The following VWA8 variants were observed in gnomAD, a reference collection of about 807,000 sequenced individuals.
The protein encoded by VWA8 is von Willebrand factor A domain-containing protein 8.
Under a neutral mutation model 241.5 loss-of-function variants are expected in VWA8, and 221 were observed. That is an observed-to-expected ratio of 0.91 (90% CI 0.82 to 1.02). VWA8 has a LOEUF of 1.02. Among genes scored for constraint, VWA8 ranks in the 50% least tolerant of loss-of-function variants. The probability of loss-of-function intolerance (pLI) is 0.00; values close to 1 mark genes in which losing one functional copy is unlikely to be tolerated. For synonymous variants in VWA8, 852 were observed against 827.1 expected, an observed-to-expected ratio of 1.03 and a Z score of -0.52; for missense variants, 2,322 against 2,328.7, an observed-to-expected ratio of 1.00 and a Z score of 0.06.
At chr13:41,773,280 ATCT>A (rs1007331444) in intron 20 of VWA8, among the ~76,000 whole-genome samples, 10 of 152,186 alleles carry the variant, frequency 6.6e-5, no homozygotes, top group Admixed American at 3.9e-4. Flanking sequence ...GCCTGTCTTG[ATCT>A]TCTTTGATTG....
At chr13:41,809,070 A>C (rs1016681233) in intron 17 of VWA8, among the ~76,000 whole-genome samples, 2 of 152,136 alleles carry the variant, frequency 1.3e-5, no homozygotes, top group African/African-American at 4.8e-5. Context: ...AAAGACCCCT[A>C]CAATGAAAAC....
intron 42 of VWA8, among the ~76,000 whole-genome samples, chr13:41,583,552 A>G (rs1263379532): frequency 4.6e-5 from 7 of 151,408 alleles, no homozygotes; most frequent in Non-Finnish European, 2.9e-5. Context: ...CTGAGACAGA[A>G]GAATCGCTTG....
At chr13:41,920,168 T>G (rs1488387600) in intron 2 of VWA8, among the ~76,000 whole-genome samples, 2 of 152,058 alleles carry the variant, frequency 1.3e-5, no homozygotes, top group African/African-American at 4.8e-5. Flanking sequence ...CAAGAGTAAT[T>G]AGTGTGTGAC....
At chr13:41,925,649 C>A (rs538412880) in intron 2 of VWA8, 2 of 175,486 alleles carry the variant, frequency 1.1e-5, no homozygotes, top group South Asian at 1.3e-4. Context: ...CAAGCCAAAA[C>A]TGAGCAAGAA....
At chr13:41,843,105 G>A (rs950979624) in intron 12 of VWA8, among the ~76,000 whole-genome samples, 1 of 152,156 alleles carries the variant, frequency 6.6e-6, no homozygotes, top group African/African-American at 2.4e-5. Flanking sequence ...TAAGGATGAT[G>A]ATATTTAAAA....
intron 20 of VWA8, among the ~76,000 whole-genome samples, chr13:41,770,955 C>T (rs952098261): frequency 7.3e-5 from 10 of 137,844 alleles, no homozygotes; most frequent in Admixed American, 1.4e-4. Context: ...TTTTATTAGA[C>T]AATAGTCATG....
intron 12 of VWA8, among the ~76,000 whole-genome samples, chr13:41,842,979 A>G (rs531228139): frequency 6.6e-6 from 1 of 152,180 alleles, no homozygotes; most frequent in African/African-American, 2.4e-5. Context: ...TACTGGGTAA[A>G]ATGTAAATTG....
chr13:41,873,121 T>C (rs1873719510), intron 9 of VWA8, among the ~76,000 whole-genome samples: 1 of 152,140 alleles, frequency 6.6e-6, no homozygotes, highest in Non-Finnish European at 1.5e-5. Flanking sequence ...ATAAAGATGT[T>C]CTTTGAAACC....
intron 38 of VWA8, among the ~76,000 whole-genome samples, chr13:41,611,980 G>A (rs2044592160): frequency 6.6e-6 from 1 of 152,122 alleles, no homozygotes; most frequent in African/African-American, 2.4e-5. Context: ...AGCTAATGCT[G>A]CTACCTCATA....
intron 32 of VWA8, 144 bp from the exon 33 acceptor site, chr13:41,690,419 T>C: frequency 1.6e-6 from 1 of 635,470 alleles, no homozygotes; most frequent in South Asian, 2.1e-5. Flanking sequence ...CATCATGAAT[T>C]AACAAATAAC....
At chr13:41,795,111 A>G (rs4516115) in intron 17 of VWA8, among the ~76,000 whole-genome samples, 21,447 of 152,142 alleles carry the variant, frequency 0.14, 1,748 homozygotes, top group East Asian at 0.19. Context: ...ACAAGAAAAA[A>G]ACCCACCCCA....
At chr13:41,828,703 C>CT (rs528467226) in intron 14 of VWA8, among the ~76,000 whole-genome samples, 7 of 151,788 alleles carry the variant, frequency 4.6e-5, no homozygotes, top group African/African-American at 1.7e-4. Context: ...AAGTTGTAGA[C>CT]TTTTTTTTAC....
intron 12 of VWA8, among the ~76,000 whole-genome samples, chr13:41,850,187 T>A (rs1566480945): frequency 6.6e-6 from 1 of 152,230 alleles, no homozygotes; most frequent in Non-Finnish European, 1.5e-5. Flanking sequence ...AATGTTTATT[T>A]TTATACACAT....
chr13:41,941,022 G>C (rs182582612), intron 2 of VWA8, among the ~76,000 whole-genome samples: 2 of 152,206 alleles, frequency 1.3e-5, no homozygotes, highest in African/African-American at 2.4e-5. Context: ...CAAACAAAAA[G>C]TTTTGATTAC....
In VWA8 at chr13:41,721,495, C is replaced by A; in HGVS notation, c.2839G>T (p.Val947Leu). The change falls in exon 25 of 45, where the codon GTG becomes TTG. Residue 947 changes from valine to leucine, a missense_variant. Transcript: ENST00000379310. The stretch of plus-strand genomic sequence containing the variant: ...AGCTTCTGAAGGATGGGCTCAGGCA[C>A]ATTTGGTCCATACTGTCTGAGCATC... ...LEMLRQYGPNVPEPILQKLVA... is the reference protein window; with the variant it reads ...LEMLRQYGPNLPEPILQKLVA... The A allele has an allele frequency of 6.2e-7, 1 of 1,613,936 alleles. No homozygotes were observed. Among genetic ancestry groups the A allele is most frequent in the Non-Finnish European group, 8.5e-7 (1 of 1,179,870 alleles).
intron 15 of VWA8, among the ~76,000 whole-genome samples, chr13:41,818,523 A>T (rs530128868): frequency 1.3e-5 from 2 of 151,412 alleles, no homozygotes; most frequent in South Asian, 4.2e-4. Context: ...AGCCGAGATC[A>T]CACCACTCCA....
intron 20 of VWA8, among the ~76,000 whole-genome samples, chr13:41,765,281 A>G (rs2045771857): frequency 6.6e-6 from 1 of 152,192 alleles, no homozygotes. Context: ...TCACTGTCTC[A>G]ACTCAAGGGT....
intron 21 of VWA8, among the ~76,000 whole-genome samples, chr13:41,739,418 C>G (rs2045549475): frequency 6.6e-6 from 1 of 152,164 alleles, no homozygotes; most frequent in South Asian, 2.1e-4. Context: ...CAAAATACAT[C>G]TTCACATAAT....
intron 9 of VWA8, among the ~76,000 whole-genome samples, chr13:41,878,019 T>A (rs1458421031): frequency 1.3e-5 from 2 of 152,088 alleles, no homozygotes; most frequent in Admixed American, 6.5e-5. Context: ...CAGTGACTAA[T>A]AATTTTTCCT....
Sources: allele counts gnomAD v4.1 joint callset (sites outside exome capture counted in the v4.1 genomes callset), GRCh38; gene constraint gnomAD v4.1.1; transcripts MANE v1.5; gene names NCBI Gene and HGNC (gene_info 2026-07-23, HGNC 2026-07-21).